The following DMRT1 variants were observed in gnomAD, a reference collection of about 807,000 sequenced individuals.
DMRT1 encodes doublesex- and mab-3-related transcription factor 1.
In DMRT1, 7 loss-of-function variants were observed where a neutral mutation model predicts 32.3. The observed-to-expected ratio is 0.22, with a 90% CI of 0.12 to 0.41. DMRT1 has a LOEUF of 0.41. DMRT1 is among the 10% of genes least tolerant of loss of function. The pLI is 1.00. For missense variants in DMRT1, 625 were observed against 500.5 expected (o/e 1.25, Z -2.37); for synonymous variants, 278 against 206.1 (o/e 1.35, Z -2.99).
intron 2 of DMRT1, among the ~76,000 whole-genome samples, chr9:849,705 G>C (rs1483021956): frequency 6.6e-6 from 1 of 152,174 alleles, no homozygotes; most frequent in African/African-American, 2.4e-5. Flanking sequence ...CCTTGAACTA[G>C]CACTCACAGG....
chr9:884,879 A>T (rs142666516), intron 2 of DMRT1, among the ~76,000 whole-genome samples: 8,494 of 152,288 alleles, frequency 0.056, 340 homozygotes, highest in Non-Finnish European at 0.079. Flanking sequence ...CTGAGGCAGG[A>T]GAATCACTTG....
chr9:909,931 C>G (rs1300259022), intron 3 of DMRT1, among the ~76,000 whole-genome samples: 2 of 152,164 alleles, frequency 1.3e-5, no homozygotes, highest in African/African-American at 2.4e-5. Flanking sequence ...CCAGACTGTT[C>G]TCCAACCCCC....
chr9:866,895 C>T (rs1320945146), intron 2 of DMRT1, among the ~76,000 whole-genome samples: 2 of 152,102 alleles, frequency 1.3e-5, no homozygotes, highest in Non-Finnish European at 2.9e-5. Context: ...ACATCAAAGC[C>T]TTTTTGTGTG....
chr9:939,025 T>A (rs1586642938), intron 4 of DMRT1, among the ~76,000 whole-genome samples: 1 of 152,270 alleles, frequency 6.6e-6, no homozygotes, highest in African/African-American at 2.4e-5. Context: ...CTGCCTTCAC[T>A]GGTTAGGTTG....
At chr9:848,189 G>A (rs1214543862) in intron 2 of DMRT1, among the ~76,000 whole-genome samples, 1 of 152,184 alleles carries the variant, frequency 6.6e-6, no homozygotes, top group Admixed American at 6.6e-5. Flanking sequence ...CTGGGCTTAA[G>A]CACTGTGTAC....
intron 1 of DMRT1, 179 bp downstream of exon 1, chr9:842,371 AC>A (rs1336054529): frequency 2.6e-6 from 2 of 774,156 alleles, no homozygotes; most frequent in African/African-American, 3.6e-5. Flanking sequence ...AGTAGCTGGG[AC>A]TACAGGCGCA....
At chr9:953,927 C>G (rs541835142) in intron 4 of DMRT1, among the ~76,000 whole-genome samples, 115 of 152,214 alleles carry the variant, frequency 7.6e-4, no homozygotes, top group Non-Finnish European at 1.4e-3. Flanking sequence ...GTAGGGGAGT[C>G]ATTAGATCCA....
In DMRT1 at chr9:866,163, C is replaced by CAAAAAAAA. The variant is rs71327351; in HGVS notation, c.538+19036_538+19043dup. Among the ~76,000 whole-genome samples, 32 of 52,556 alleles carry CAAAAAAAA rather than the reference C, an allele frequency of 6.1e-4. 1 individual carries two copies. The highest frequency in any genetic ancestry group is 1.5e-3 in the East Asian group (2 of 1,366). 34.5% of individuals were successfully genotyped at this position (52,556 alleles called of 152,430 possible). A position where few individuals can be genotyped will look rare whatever the true frequency, so the allele number is the denominator to read the frequency against. On this transcript the variant is annotated intron_variant, in intron 2 of 4. Transcript: ENST00000382276. ...TGGGTGACAGAGTGAGAGTCCATCT[C>CAAAAAAAA]AAAAAAAAAAAAAAAAAAAAAAAGA... is the stretch of plus-strand genomic sequence containing the variant.
intron 3 of DMRT1, among the ~76,000 whole-genome samples, chr9:915,678 T>A (rs1160026477): frequency 6.6e-6 from 1 of 152,252 alleles, no homozygotes; most frequent in Non-Finnish European, 1.5e-5. Context: ...GTCCACAGCT[T>A]CCCATTACAC....
intron 3 of DMRT1, among the ~76,000 whole-genome samples, chr9:898,363 G>A (rs547251216): frequency 2.6e-5 from 4 of 152,184 alleles, no homozygotes; most frequent in South Asian, 4.2e-4. Context: ...CAAGTGATCC[G>A]CCCACTCGGC....
intron 2 of DMRT1, among the ~76,000 whole-genome samples, chr9:891,279 TC>T (rs1048525526): frequency 6.6e-6 from 1 of 151,442 alleles, no homozygotes; most frequent in African/African-American, 2.4e-5. Flanking sequence ...AAACCCCGTC[TC>T]TACTTAAAAA....
chr9:961,243 A>G (rs1195166245), intron 4 of DMRT1, among the ~76,000 whole-genome samples: 1 of 152,124 alleles, frequency 6.6e-6, no homozygotes, highest in Non-Finnish European at 1.5e-5. Flanking sequence ...GCAAACCCAC[A>G]CACTGGGTAA....
chr9:950,035 A>G (rs1390272255), intron 4 of DMRT1, among the ~76,000 whole-genome samples: 1 of 152,158 alleles, frequency 6.6e-6, no homozygotes, highest in Non-Finnish European at 1.5e-5. Context: ...GTGTGCAGAT[A>G]CCTTTTCAAG....
intron 2 of DMRT1, among the ~76,000 whole-genome samples, chr9:857,007 T>A (rs1564200059): frequency 6.6e-6 from 1 of 152,180 alleles, no homozygotes; most frequent in Non-Finnish European, 1.5e-5. Context: ...TGCATTTTAT[T>A]ATCAATAGAT....
chr9:853,068 G>A (rs1023861517), intron 2 of DMRT1, among the ~76,000 whole-genome samples: 13 of 152,096 alleles, frequency 8.5e-5, no homozygotes, highest in Admixed American at 3.9e-4. Flanking sequence ...GAAGATAGTT[G>A]TTTAAATTAA....
intron 2 of DMRT1, among the ~76,000 whole-genome samples, chr9:888,009 G>C (rs575899919): frequency 6.6e-6 from 1 of 152,264 alleles, no homozygotes; most frequent in Non-Finnish European, 1.5e-5. Flanking sequence ...TGTAACACCT[G>C]CTCCTCTGGA....
At chr9:884,411 A>G (rs1446374677) in intron 2 of DMRT1, among the ~76,000 whole-genome samples, 1 of 151,726 alleles carries the variant, frequency 6.6e-6, no homozygotes, top group Non-Finnish European at 1.5e-5. Context: ...AAGCCCTATC[A>G]AAGAACTGAA....
intron 2 of DMRT1, among the ~76,000 whole-genome samples, chr9:870,656 C>G (rs1816203917): frequency 7.4e-6 from 1 of 135,580 alleles, no homozygotes; most frequent in African/African-American, 2.8e-5. Flanking sequence ...AGTCTAAAGG[C>G]TTTGCTTATT....
chr9:870,092 T>C lies in DMRT1; in HGVS notation c.538+22949T>C, dbSNP rs144980342. Among the ~76,000 whole-genome samples the C allele has an allele frequency of 3.0e-4, 46 of 152,324 alleles. 2 individuals are homozygous for C. In the East Asian group the frequency reaches 8.5e-3, roughly 28 times the overall value. ...TTTTGGGGGCAAATTACTGTGACTA[T>C]TCAACATGTAAGAAAGAATAGCTTG... On this transcript the variant is annotated intron_variant, in intron 2 of 4. Coordinates refer to ENST00000382276, the MANE Select transcript of DMRT1 (RefSeq NM_021951.3).
Sources: allele counts gnomAD v4.1 joint callset (sites outside exome capture counted in the v4.1 genomes callset), GRCh38; gene constraint gnomAD v4.1.1; transcripts MANE v1.5; gene names NCBI Gene and HGNC (gene_info 2026-07-23, HGNC 2026-07-21).